Variants in ERC2 observed in about 807,000 individuals in gnomAD.
ERC2 encodes the protein ELKS/RAB6-interacting/CAST family member 2.
In ERC2, 42 loss-of-function variants were observed where a neutral mutation model predicts 114.8. That is an observed-to-expected ratio of 0.37 (90% CI 0.29 to 0.47). The LOEUF (loss-of-function observed/expected upper bound fraction) is 0.47, where lower values mean the gene tolerates loss of function less well. Among genes scored for constraint, ERC2 ranks in the 20% least tolerant of loss-of-function variants. The probability of loss-of-function intolerance (pLI) is 0.99; values close to 1 mark genes in which losing one functional copy is unlikely to be tolerated. For synonymous variants in ERC2, 454 were observed against 425.5 expected (o/e 1.07, Z -0.82); for missense variants, 939 against 1,150.7 (o/e 0.82, Z 2.66).
intron 17 of ERC2, among the ~76,000 whole-genome samples, chr3:55,579,150 A>G (rs1026190151): frequency 6.6e-6 from 1 of 152,224 alleles, no homozygotes; most frequent in Non-Finnish European, 1.5e-5. Context: ...GGGCATGCAT[A>G]TAGGAATCCT....
intron 10 of ERC2, among the ~76,000 whole-genome samples, chr3:55,997,937 T>TG (rs2071718312): frequency 3.6e-5 from 5 of 140,570 alleles, no homozygotes; most frequent in South Asian, 4.4e-4. Context: ...TTGTTTTTTT[T>TG]TTTTTTTTGG....
chr3:55,911,429 A>G (rs2149363893), intron 13 of ERC2, among the ~76,000 whole-genome samples: 1 of 152,284 alleles, frequency 6.6e-6, no homozygotes, highest in African/African-American at 2.4e-5. Flanking sequence ...ACTTCATCGT[A>G]AGCGGCTAGT....
At chr3:56,168,746 C>T (rs1432860158) in intron 4 of ERC2, among the ~76,000 whole-genome samples, 1 of 152,188 alleles carries the variant, frequency 6.6e-6, no homozygotes, top group Non-Finnish European at 1.5e-5. Flanking sequence ...TTAAGTGAAA[C>T]TTAACCCAGC....
chr3:56,222,746 G>C (rs138134636), intron 3 of ERC2, among the ~76,000 whole-genome samples: 4 of 152,306 alleles, frequency 2.6e-5, no homozygotes, highest in Non-Finnish European at 5.9e-5. Flanking sequence ...ATAAACAAAT[G>C]CTATACAACC....
chr3:56,079,838 G>A (rs945378939), intron 7 of ERC2, among the ~76,000 whole-genome samples: 7 of 152,152 alleles, frequency 4.6e-5, no homozygotes, highest in African/African-American at 1.7e-4. Context: ...AGAATAGGCT[G>A]TAGGAAACAT....
chr3:56,262,848 A>G (rs2053033082), intron 3 of ERC2, among the ~76,000 whole-genome samples: 1 of 152,200 alleles, frequency 6.6e-6, no homozygotes, highest in African/African-American at 2.4e-5. Flanking sequence ...GATCTCCTTC[A>G]TAGGGATACA....
chr3:55,935,122 A>G (rs1171459143), intron 13 of ERC2, among the ~76,000 whole-genome samples: 1 of 152,192 alleles, frequency 6.6e-6, no homozygotes, highest in African/African-American at 2.4e-5. Context: ...TTATAGCCAC[A>G]TGTTTTTTAG....
At chr3:56,211,210 A>G (rs1293886303) in intron 3 of ERC2, among the ~76,000 whole-genome samples, 6 of 152,140 alleles carry the variant, frequency 3.9e-5, no homozygotes, top group Non-Finnish European at 1.5e-5. Context: ...CTAAAGACTC[A>G]TCCAAAAACC....
chr3:55,674,339 C>A (rs1016576176), intron 17 of ERC2, among the ~76,000 whole-genome samples: 9 of 152,064 alleles, frequency 5.9e-5, no homozygotes, highest in Admixed American at 1.3e-4. Flanking sequence ...ACAGAGATTC[C>A]CATCTCCATC....
At chr3:55,554,735 C>A (rs542671850) in intron 17 of ERC2, among the ~76,000 whole-genome samples, 12 of 152,204 alleles carry the variant, frequency 7.9e-5, no homozygotes, top group Admixed American at 1.3e-4. Flanking sequence ...CCCCCTCCCC[C>A]CTTCCCCGTG....
intron 14 of ERC2, among the ~76,000 whole-genome samples, chr3:55,850,170 CT>C (rs1401237297): frequency 2.6e-5 from 4 of 152,236 alleles, no homozygotes; most frequent in African/African-American, 9.6e-5. Flanking sequence ...TGTGTATCTT[CT>C]TCTTTTCTGT....
intron 14 of ERC2, among the ~76,000 whole-genome samples, chr3:55,837,746 A>T (rs1338510978): frequency 6.6e-6 from 1 of 152,102 alleles, no homozygotes; most frequent in Admixed American, 6.5e-5. Flanking sequence ...TATAACTTAA[A>T]GTGTAATAAA....
intron 17 of ERC2, among the ~76,000 whole-genome samples, chr3:55,581,884 G>A (rs1372694021): frequency 6.6e-6 from 1 of 152,110 alleles, no homozygotes; most frequent in Non-Finnish European, 1.5e-5. Context: ...CATAACACAT[G>A]AGTCTTCATC....
chr3:56,197,271 G>C (rs932905978), intron 3 of ERC2, among the ~76,000 whole-genome samples: 1 of 152,160 alleles, frequency 6.6e-6, no homozygotes, highest in African/African-American at 2.4e-5. Context: ...AATGGGAATG[G>C]TGATAATGCT....
At chr3:56,417,711 G>A (rs1046154279) in intron 2 of ERC2, among the ~76,000 whole-genome samples, 1 of 152,286 alleles carries the variant, frequency 6.6e-6, no homozygotes, top group East Asian at 1.9e-4. Flanking sequence ...CTCCAAAGCT[G>A]GTGCTCTCGA....
At chr3:56,058,812 A>C (rs1236899765) in intron 7 of ERC2, among the ~76,000 whole-genome samples, 1 of 152,178 alleles carries the variant, frequency 6.6e-6, no homozygotes, top group Non-Finnish European at 1.5e-5. Context: ...TGGATTCACA[A>C]AGTCCCCATA....
intron 17 of ERC2, among the ~76,000 whole-genome samples, chr3:55,673,813 T>G (rs1336053288): frequency 1.8e-4 from 27 of 150,704 alleles, no homozygotes; most frequent in Non-Finnish European, 3.6e-4. Flanking sequence ...AGTTTTTTTT[T>G]TTTTTTTTTT....
chr3:56,152,353 G>C (rs1454014841), intron 4 of ERC2, among the ~76,000 whole-genome samples: 1 of 151,686 alleles, frequency 6.6e-6, no homozygotes, highest in Non-Finnish European at 1.5e-5. Context: ...AAATTGAAGA[G>C]TCAAAACAAC....
At chr3:56,137,424 C>A (rs1226500156) in intron 6 of ERC2, among the ~76,000 whole-genome samples, 1 of 152,242 alleles carries the variant, frequency 6.6e-6, no homozygotes, top group Non-Finnish European at 1.5e-5. Context: ...TAGGGTACCA[C>A]AGCCAGAGAG....
Sources: allele counts gnomAD v4.1 joint callset (sites outside exome capture counted in the v4.1 genomes callset), GRCh38; gene constraint gnomAD v4.1.1; transcripts MANE v1.5; gene names NCBI Gene and HGNC (gene_info 2026-07-23, HGNC 2026-07-21).